The following PHACTR3 variants were observed in gnomAD, a reference collection of about 807,000 sequenced individuals.
The protein encoded by PHACTR3 is phosphatase and actin regulator 3.
In PHACTR3, 16 loss-of-function variants were observed where a neutral mutation model predicts 66.8. The ratio of observed to expected loss-of-function variants is 0.24; its 90% CI spans 0.16 to 0.36. The LOEUF (loss-of-function observed/expected upper bound fraction) is 0.36. Among genes scored for constraint, PHACTR3 ranks in the 10% least tolerant of loss-of-function variants. The pLI is 1.00. For missense variants in PHACTR3, 647 were observed against 719.9 expected, an observed-to-expected ratio of 0.90 and a Z score of 1.16; for synonymous variants, 323 against 292.1, an observed-to-expected ratio of 1.11 and a Z score of -1.08.
chr20:59,643,278 C>T (rs930960202), intron 1 of PHACTR3, among the ~76,000 whole-genome samples: 2 of 152,214 alleles, frequency 1.3e-5, no homozygotes, highest in African/African-American at 2.4e-5. Flanking sequence ...TCAATGCACA[C>T]AGCGCACATT....
chr20:59,816,577 C>T (rs2049183037), intron 8 of PHACTR3, among the ~76,000 whole-genome samples: 1 of 152,212 alleles, frequency 6.6e-6, no homozygotes, highest in Non-Finnish European at 1.5e-5. Context: ...GGAACTCATC[C>T]ATGGCCATCC....
intron 1 of PHACTR3, among the ~76,000 whole-genome samples, chr20:59,684,074 GC>G (rs1399959866): frequency 6.6e-6 from 1 of 152,190 alleles, no homozygotes; most frequent in Non-Finnish European, 1.5e-5. Context: ...GATTTTTCCT[GC>G]ATGGTTCTAG....
intron 1 of PHACTR3, among the ~76,000 whole-genome samples, chr20:59,687,724 G>A (rs964265381): frequency 2.6e-5 from 4 of 152,096 alleles, no homozygotes; most frequent in African/African-American, 4.8e-5. Flanking sequence ...GAAGGTTTGT[G>A]GACTGGTACC....
chr20:59,807,420 C>T (rs574482052), intron 8 of PHACTR3, among the ~76,000 whole-genome samples: 30 of 152,332 alleles, frequency 2.0e-4, no homozygotes, highest in South Asian at 2.1e-4. Flanking sequence ...CAGTAACATG[C>T]GTAGAGCTGT....
rs527584384 is a variant in PHACTR3, at chr20:59,829,801, G to C, written c.1329-6704G>C. Reference sequence around the variant, plus strand: ...TGGAAGGAATTGCTTCTCAATTTCTGCTCCACACTGAGGTGACTTTAGATG... The same window carrying C: ...TGGAAGGAATTGCTTCTCAATTTCTCCTCCACACTGAGGTGACTTTAGATG... On this transcript the variant is annotated intron_variant, in intron 8 of 12. Transcript: ENST00000371015. This position sits in a 1 kb window ranked among gnomAD's most constrained non-coding sequence, Gnocchi z 4.2. Among the ~76,000 whole-genome samples, 1 of 152,364 alleles carries C rather than the reference G, an allele frequency of 6.6e-6. No homozygotes were observed. Among genetic ancestry groups the C allele is most frequent in the Admixed American group, 6.5e-5 (1 of 15,310 alleles).
intron 11 of PHACTR3, 175 bp from the exon 12 acceptor site, chr20:59,845,014 G>A (rs1358651177): frequency 6.1e-6 from 3 of 490,370 alleles, no homozygotes; most frequent in Non-Finnish European, 1.1e-5. Flanking sequence ...TAGCTTGGTA[G>A]GACTATAATA....
chr20:59,707,424 C>T lies in PHACTR3; in HGVS notation c.119-35683C>T, dbSNP rs549938739. ...CAGCTGGTAGCTAAAGAGTCTGGGG[C>T]CTCCCTTCTTCTTTCTCTCTCTTGC... On this transcript the variant is annotated intron_variant, in intron 1 of 12. Coordinates refer to ENST00000371015, the MANE Select transcript of PHACTR3 (RefSeq NM_080672.5). Among the ~76,000 whole-genome samples, 9 of 151,160 alleles carry T rather than the reference C, an allele frequency of 6.0e-5. No homozygotes were observed. The East Asian group carries it at 1.6e-3, about 26-fold the overall frequency.
intron 1 of PHACTR3, among the ~76,000 whole-genome samples, chr20:59,677,060 G>A (rs2036473814): frequency 1.3e-5 from 2 of 152,096 alleles, no homozygotes; most frequent in South Asian, 2.1e-4. Flanking sequence ...TCTTTTGTTT[G>A]CATGTGAATG....
At chr20:59,807,468 G>C (rs1253035244) in intron 8 of PHACTR3, among the ~76,000 whole-genome samples, 1 of 152,190 alleles carries the variant, frequency 6.6e-6, no homozygotes, top group Non-Finnish European at 1.5e-5. Context: ...GATTCCTTCT[G>C]AGGGACCTGC....
intron 12 of PHACTR3, among the ~76,000 whole-genome samples, chr20:59,846,189 A>T (rs1446926285): frequency 6.6e-6 from 1 of 152,140 alleles, no homozygotes; most frequent in Non-Finnish European, 1.5e-5. Flanking sequence ...AAACTAAAAT[A>T]ATAGCTTTAG....
chr20:59,595,925 A>T (rs1045003254), intron 1 of PHACTR3, among the ~76,000 whole-genome samples: 2 of 152,172 alleles, frequency 1.3e-5, no homozygotes, highest in Non-Finnish European at 2.9e-5. Context: ...TAATTGTAAG[A>T]TACCTGTTGA....
At chr20:59,816,988 T>C (rs1303127284) in intron 8 of PHACTR3, among the ~76,000 whole-genome samples, 1 of 152,194 alleles carries the variant, frequency 6.6e-6, no homozygotes, top group Non-Finnish European at 1.5e-5. Flanking sequence ...GTGCTTGATG[T>C]ACCCTAATAT....
At chr20:59,598,116 G>A (rs1203098175) in intron 1 of PHACTR3, among the ~76,000 whole-genome samples, 1 of 152,126 alleles carries the variant, frequency 6.6e-6, no homozygotes, top group East Asian at 1.9e-4. Flanking sequence ...AGGGGCCAGT[G>A]GGGCTGCTTT....
At chr20:59,846,901 TCCTAAGAATTCAGCATATAACAGGGG>T (rs1008146244) in intron 12 of PHACTR3, among the ~76,000 whole-genome samples, 188 bp from the exon 13 acceptor site, 3 of 152,174 alleles carry the variant, frequency 2.0e-5, no homozygotes, top group African/African-American at 7.2e-5. Flanking sequence ...TTCTAGATAG[TCCTAAGAATTCAGCATATAACAGGGG>T]CCTGAGAGTG....
At chr20:59,769,267 G>A (rs550182397) in intron 5 of PHACTR3, among the ~76,000 whole-genome samples, 1 of 152,298 alleles carries the variant, frequency 6.6e-6, no homozygotes, top group South Asian at 2.1e-4. Flanking sequence ...CCATCCACCT[G>A]GAACCTCAGA....
At chr20:59,677,079 A>C (rs6027034) in intron 1 of PHACTR3, among the ~76,000 whole-genome samples, 33,545 of 151,876 alleles carry the variant, frequency 0.22, 4,188 homozygotes, top group East Asian at 0.53. Flanking sequence ...TGGTATTTTA[A>C]CCTATTACTT....
intron 1 of PHACTR3, among the ~76,000 whole-genome samples, chr20:59,698,281 GA>G (rs1197963422): frequency 6.6e-6 from 1 of 151,976 alleles, no homozygotes; most frequent in Non-Finnish European, 1.5e-5. Flanking sequence ...AATGTGAAAT[GA>G]AAAAAAGACT....
chr20:59,834,735 C>T (rs2042477714), intron 8 of PHACTR3, among the ~76,000 whole-genome samples: 1 of 152,200 alleles, frequency 6.6e-6, no homozygotes, highest in Admixed American at 6.5e-5. Context: ...GTATCTGCCC[C>T]TGCCCAACCA....
In PHACTR3 at chr20:59,821,327, C is replaced by T. The variant is rs115567604; in HGVS notation, c.1328+15133C>T. Among the ~76,000 whole-genome samples the T allele has an allele frequency of 7.8e-3, 1,191 of 152,242 alleles. 14 individuals carry two copies. Among genetic ancestry groups the T allele is most frequent in the African/African-American group, 0.026 (1,094 of 41,530 alleles). On this transcript the variant is annotated intron_variant, in intron 8 of 12. Transcript: ENST00000371015. Reference sequence around the variant, plus strand: ...ATGGTTGTTCCAAAATCAACAAGGACGCAGACTCCTCTTACCTTCCTGCTA... The same window carrying T: ...ATGGTTGTTCCAAAATCAACAAGGATGCAGACTCCTCTTACCTTCCTGCTA...
Sources: allele counts gnomAD v4.1 joint callset (sites outside exome capture counted in the v4.1 genomes callset), GRCh38; gene constraint gnomAD v4.1.1; non-coding constraint Gnocchi (gnomAD v3.1); transcripts MANE v1.5; gene names NCBI Gene and HGNC (gene_info 2026-07-23, HGNC 2026-07-21).